DROSHA: variants seen among roughly 807,000 people sequenced by gnomAD.
DROSHA encodes ribonuclease 3.
A neutral mutation model predicts 181.9 loss-of-function variants in DROSHA; 56 were observed. The ratio of observed to expected loss-of-function variants is 0.31; its 90% CI spans 0.25 to 0.38. The LOEUF is 0.38. DROSHA is among the 10% of genes least tolerant of loss of function. DROSHA has a pLI of 1.00. For missense variants in DROSHA, 1,218 were observed against 1,743.5 expected (o/e 0.70, Z 5.37); for synonymous variants, 524 against 591.2 (o/e 0.89, Z 1.65).
At chr5:31,419,463 C>T (rs1742388163) in intron 30 of DROSHA, among the ~76,000 whole-genome samples, 1 of 150,976 alleles carries the variant, frequency 6.6e-6, no homozygotes, top group African/African-American at 2.4e-5. Flanking sequence ...GGAAAGAACA[C>T]AGAACTAGAG....
At chr5:31,429,121 A>C (rs977959220) in intron 27 of DROSHA, among the ~76,000 whole-genome samples, 13 of 152,236 alleles carry the variant, frequency 8.5e-5, no homozygotes, top group African/African-American at 3.1e-4. Flanking sequence ...CTATCACTTC[A>C]ACTAAGCCTG....
intron 13 of DROSHA, among the ~76,000 whole-genome samples, chr5:31,489,605 C>T (rs981957662): frequency 2.0e-5 from 3 of 152,180 alleles, no homozygotes; most frequent in African/African-American, 7.2e-5. Context: ...ATATAAATGA[C>T]TACCATCATG....
intron 22 of DROSHA, 26 bp from the exon 23 acceptor site, chr5:31,448,633 C>G (rs772234007): frequency 3.7e-5 from 58 of 1,550,994 alleles, no homozygotes; most frequent in Non-Finnish European, 4.6e-5. Flanking sequence ...AACAAATACA[C>G]AAGTAAATAC....
chr5:31,425,738 T>C (rs1743383767), intron 27 of DROSHA, among the ~76,000 whole-genome samples: 1 of 152,128 alleles, frequency 6.6e-6, no homozygotes, highest in Non-Finnish European at 1.5e-5. Flanking sequence ...TTTTCACCTT[T>C]CTCCTTAAAC....
At chr5:31,524,667 G>A (rs1023947768) in intron 5 of DROSHA, among the ~76,000 whole-genome samples, 1 of 152,144 alleles carries the variant, frequency 6.6e-6, no homozygotes, top group Non-Finnish European at 1.5e-5. Context: ...AGAACCTGAT[G>A]TAAGTTTCCT....
At chr5:31,450,519 T>A (rs1033418239) in intron 21 of DROSHA, among the ~76,000 whole-genome samples, 2 of 152,194 alleles carry the variant, frequency 1.3e-5, no homozygotes, top group African/African-American at 4.8e-5. Context: ...TGAAATAATG[T>A]ATTTTGCAGC....
intron 26 of DROSHA, among the ~76,000 whole-genome samples, 186 bp downstream of exon 26, chr5:31,431,390 G>GAAAAAAAAAAAAAAAAAAAAAAAAAAA (rs397882430): frequency 8.8e-6 from 1 of 113,038 alleles, no homozygotes; most frequent in Non-Finnish European, 1.7e-5. Context: ...AAAAAAAAAA[G>GAAAAAAAAAAAAAAAAAAAAAAAAAAA]AGGCATGTTC....
chr5:31,422,666 C>T lies in DROSHA; in HGVS notation c.3419+121G>A, dbSNP rs1263565337. On this transcript the variant is annotated intron_variant, in intron 29 of 35. Coordinates refer to ENST00000344624, the MANE Select transcript of DROSHA (RefSeq NM_001382508.1). ...GAGGTCTGTCTGCTCACCCATCTCA[C>T]AATGTGACTTTCCTGGAAATATATT... 2.0e-5 allele frequency: 26 copies of T among 1,284,128 alleles called. No individual in the cohort carries two copies. In the East Asian group the frequency reaches 6.4e-4, roughly 32 times the overall value. The allele number at this position is 1,284,128 out of a possible 1,614,324, so 79.5% of individuals were successfully genotyped here.
At position 31,511,122 on chromosome 5, in the gene DROSHA, C is replaced by G. The variant is rs774079547; in HGVS notation, c.1345G>C (p.Glu449Gln). 1 of 1,613,870 alleles carries G rather than the reference C, an allele frequency of 6.2e-7. No homozygotes were observed. Among genetic ancestry groups the G allele is most frequent in the Admixed American group, 1.7e-5 (1 of 59,996 alleles). ...SRLRDLYDKFEEELGSRQEKA... is the reference protein window; with the variant it reads ...SRLRDLYDKFQEELGSRQEKA... Reference sequence around the variant, plus strand: ...TCTTGCCTGCTCCCCAACTCCTCCTCAAATTTGTCATATAAGTCACGAAGC... The same window carrying G: ...TCTTGCCTGCTCCCCAACTCCTCCTGAAATTTGTCATATAAGTCACGAAGC... Residue 449 changes from glutamate to glutamine, a missense_variant, in exon 9 of 36, where the codon GAG becomes CAG. Physicochemically the swap from Glu to Gln is conservative, Grantham distance 29. Transcript: ENST00000344624.
chr5:31,467,846 A>C, intron 18 of DROSHA, 93 bp downstream of exon 18: 1 of 1,467,370 alleles, frequency 6.8e-7, no homozygotes, highest in Admixed American at 2.2e-5. Context: ...TTAATTTTTA[A>C]AAAGGAAACA....
chr5:31,470,486 C>T lies in DROSHA; in HGVS notation c.2241+1577G>A, dbSNP rs1749608060. ...ACCCCCGCAACTACTTTTGTGCCAG[C>T]CTAACATATAACTTCACTAGCACCT... On this transcript the variant is annotated intron_variant, in intron 17 of 35. Coordinates refer to ENST00000344624, the MANE Select transcript of DROSHA (RefSeq NM_001382508.1). The surrounding 1 kb of genome is among the most constrained non-coding windows in gnomAD (Gnocchi z 4.0). Among the ~76,000 whole-genome samples, 1 of 152,126 alleles carries T rather than the reference C, an allele frequency of 6.6e-6. No homozygotes were observed. The highest frequency in any genetic ancestry group is 6.6e-5 in the Admixed American group (1 of 15,266).
At chr5:31,482,244 C>G (rs1162822151) in intron 16 of DROSHA, among the ~76,000 whole-genome samples, 1 of 152,166 alleles carries the variant, frequency 6.6e-6, no homozygotes, top group Non-Finnish European at 1.5e-5. Context: ...TTCAGTATTA[C>G]TGAGTGGCCC....
At chr5:31,410,253 A>T (rs973924341) in intron 31 of DROSHA, among the ~76,000 whole-genome samples, 8 of 152,236 alleles carry the variant, frequency 5.3e-5, no homozygotes, top group Admixed American at 5.2e-4. Flanking sequence ...TCCTTTCGTT[A>T]ACTATAATAG....
At chr5:31,478,362 G>A (rs1378008322) in intron 16 of DROSHA, among the ~76,000 whole-genome samples, 1 of 152,216 alleles carries the variant, frequency 6.6e-6, no homozygotes, top group African/African-American at 2.4e-5. Context: ...AATTTGTGAT[G>A]GGCCACATTC....
At chr5:31,496,248 G>T (rs939511047) in intron 11 of DROSHA, among the ~76,000 whole-genome samples, 2 of 152,122 alleles carry the variant, frequency 1.3e-5, no homozygotes, top group Non-Finnish European at 2.9e-5. Context: ...ACCAGCCTGG[G>T]CAACAAGGCA....
intron 21 of DROSHA, 31 bp from the exon 22 acceptor site, chr5:31,449,450 T>C (rs1746698118): frequency 6.5e-7 from 1 of 1,543,694 alleles, no homozygotes; most frequent in South Asian, 1.2e-5. Context: ...GTTCAGTCTT[T>C]AAAACAGCAT....
intron 26 of DROSHA, among the ~76,000 whole-genome samples, chr5:31,429,940 A>G (rs908032827): frequency 8.6e-5 from 13 of 151,588 alleles, no homozygotes; most frequent in African/African-American, 2.9e-4. Context: ...ATACCTAAGG[A>G]AAAAAAAACC....
intron 17 of DROSHA, 123 bp from the exon 18 acceptor site, chr5:31,468,186 G>T (rs1749313183): frequency 8.6e-7 from 1 of 1,167,518 alleles, no homozygotes; most frequent in Non-Finnish European, 1.2e-6. Flanking sequence ...AAGGGAAAAG[G>T]TCATTTAAAA....
intron 16 of DROSHA, among the ~76,000 whole-genome samples, chr5:31,482,558 C>T (rs964744023): frequency 1.3e-5 from 2 of 152,204 alleles, no homozygotes; most frequent in Non-Finnish European, 1.5e-5. Flanking sequence ...TAAGATTAAG[C>T]GGCTGAGTGG....
Sources: allele counts gnomAD v4.1 joint callset (sites outside exome capture counted in the v4.1 genomes callset), GRCh38; gene constraint gnomAD v4.1.1; non-coding constraint Gnocchi (gnomAD v3.1); transcripts MANE v1.5; gene names NCBI Gene and HGNC (gene_info 2026-07-23, HGNC 2026-07-21).